MMP24: variants seen among roughly 807,000 people sequenced by gnomAD.
MMP24 encodes matrix metalloproteinase-24.
Under a neutral mutation model 62.8 loss-of-function variants are expected in MMP24, and 25 were observed. That is an observed-to-expected ratio of 0.40 (90% CI 0.29 to 0.56). MMP24 has a LOEUF of 0.56. MMP24 is among the 20% of genes least tolerant of loss of function. The pLI is 0.50. For missense variants in MMP24, 634 were observed against 853.6 expected (o/e 0.74, Z 3.21); for synonymous variants, 319 against 350.5 (o/e 0.91, Z 1.00).
chr20:35,227,533 C>G (rs1452161447), intron 1 of MMP24, among the ~76,000 whole-genome samples: 1 of 151,790 alleles, frequency 6.6e-6, no homozygotes, highest in Non-Finnish European at 1.5e-5. Flanking sequence ...CAAATTTGGG[C>G]TCGATATAGG....
At chr20:35,256,157 T>C (rs2060573407) in intron 4 of MMP24, 1 of 152,232 alleles carries the variant, frequency 6.6e-6, no homozygotes, top group Non-Finnish European at 1.5e-5. Context: ...TACATTATAA[T>C]GCATAATTAA....
chr20:35,255,705 G>T (rs529895749), intron 4 of MMP24, among the ~76,000 whole-genome samples: 1 of 152,300 alleles, frequency 6.6e-6, no homozygotes, highest in African/African-American at 2.4e-5. Flanking sequence ...AACTGGCATA[G>T]CTGAAAGGTG....
chr20:35,268,373 T>C (rs2146238755), intron 6 of MMP24, among the ~76,000 whole-genome samples: 1 of 152,234 alleles, frequency 6.6e-6, no homozygotes, highest in East Asian at 1.9e-4. Context: ...TCACACAGGA[T>C]GGTGAAAGAG....
chr20:35,250,498 GGTT>G (rs1453742009), intron 2 of MMP24, among the ~76,000 whole-genome samples: 2 of 151,930 alleles, frequency 1.3e-5, no homozygotes, highest in Non-Finnish European at 2.9e-5. Context: ...GGGAGGCAGA[GGTT>G]GCAGTGAGCT....
intron 6 of MMP24, among the ~76,000 whole-genome samples, chr20:35,268,643 C>T (rs544278464): frequency 9.2e-5 from 14 of 152,244 alleles, no homozygotes; most frequent in Non-Finnish European, 1.8e-4. Flanking sequence ...ACAAATCATG[C>T]TTCTTCTTCT....
At chr20:35,260,104 G>A (rs2146226326) in intron 4 of MMP24, among the ~76,000 whole-genome samples, 1 of 152,210 alleles carries the variant, frequency 6.6e-6, no homozygotes, top group African/African-American at 2.4e-5. Context: ...GAAGACCCTA[G>A]CAGCCTCCTG....
At chr20:35,241,674 A>C (rs570661948) in intron 1 of MMP24, among the ~76,000 whole-genome samples, 5 of 152,254 alleles carry the variant, frequency 3.3e-5, no homozygotes, top group African/African-American at 1.2e-4. Context: ...TATCCCAGAA[A>C]ACGAGCTGCG....
chr20:35,267,172 G>C, intron 5 of MMP24, 33 bp from the exon 6 acceptor site: 1 of 1,522,486 alleles, frequency 6.6e-7, no homozygotes, highest in Non-Finnish European at 8.9e-7. Context: ...GGAAACGGCT[G>C]CCCCCTCTCT....
At chr20:35,268,548 T>A (rs961147370) in intron 6 of MMP24, among the ~76,000 whole-genome samples, 2 of 152,224 alleles carry the variant, frequency 1.3e-5, no homozygotes, top group Non-Finnish European at 2.9e-5. Flanking sequence ...AACAGAGACA[T>A]GAAAGTCAAA....
In MMP24 at chr20:35,267,204, G is replaced by A; in HGVS notation, c.980-1G>A. On this transcript the variant is annotated splice_acceptor_variant, in intron 5 of 8. Coordinates refer to ENST00000246186, the MANE Select transcript of MMP24 (RefSeq NM_006690.4). LOFTEE classifies it high-confidence loss of function. ...CTCTAAGATGCAGCTCCTCTCTCCA[G>A]GACCCCCAGCCGAGCCTCTGGAGCC... 6.3e-7 allele frequency: 1 copy of A among 1,583,072 alleles called. No individual in the cohort carries two copies.
In MMP24 at chr20:35,271,753, G is replaced by A. The variant is rs773070007; in HGVS notation, c.1518G>A (p.Thr506=). The change falls in exon 8 of 9, where the codon ACG becomes ACA. Residue 506 remains threonine, a synonymous_variant. Coordinates refer to ENST00000246186, the MANE Select transcript of MMP24 (RefSeq NM_006690.4). This position sits in a 1 kb window ranked among gnomAD's most constrained non-coding sequence, Gnocchi z 4.0. ...YWRYSEERRA[T]DPGYPKPITV... Reference sequence around the variant, plus strand: ...GCTACAGCGAGGAGCGGCGGGCCACGGACCCTGGCTACCCTAAGCCCATCA... The same window carrying A: ...GCTACAGCGAGGAGCGGCGGGCCACAGACCCTGGCTACCCTAAGCCCATCA... The A allele has an allele frequency of 6.8e-5, 108 of 1,597,156 alleles. No individual in the cohort carries two copies. The highest frequency in any genetic ancestry group is 1.1e-4 in the African/African-American group (8 of 74,670).
At chr20:35,251,631 TC>T (rs2060547633) in intron 2 of MMP24, among the ~76,000 whole-genome samples, 1 of 152,138 alleles carries the variant, frequency 6.6e-6, no homozygotes, top group African/African-American at 2.4e-5. Flanking sequence ...TGCCTGGGGG[TC>T]CTATGACTAG....
At chr20:35,252,258 G>C (rs1481148450) in intron 3 of MMP24, among the ~76,000 whole-genome samples, 1 of 152,164 alleles carries the variant, frequency 6.6e-6, no homozygotes. Context: ...TCCTCTGGGG[G>C]CTCTTAGTTG....
rs2247828 is a variant in MMP24, at chr20:35,252,136, A to G, written c.512+115A>G. ...GGGGCCTGGGGATCAGGCTTACAACATAGGCCAAGAGCCAGGCATGTGGGC... is the reference window on the plus strand; with the variant it reads ...GGGGCCTGGGGATCAGGCTTACAACGTAGGCCAAGAGCCAGGCATGTGGGC... On this transcript the variant is annotated intron_variant, in intron 3 of 8. Coordinates refer to ENST00000246186, the MANE Select transcript of MMP24 (RefSeq NM_006690.4). The G allele has an allele frequency of 0.14, 116,338 of 819,554 alleles. 8,798 individuals are homozygous for G. Among genetic ancestry groups the G allele is most frequent in the African/African-American group, 0.21 (12,391 of 59,374 alleles). 50.8% of individuals were successfully genotyped at this position (819,554 alleles called of 1,614,324 possible). A position where few individuals can be genotyped will look rare whatever the true frequency, so the allele number is the denominator to read the frequency against.
intron 4 of MMP24, among the ~76,000 whole-genome samples, chr20:35,259,382 C>T (rs2060591459): frequency 6.6e-6 from 1 of 152,086 alleles, no homozygotes; most frequent in Non-Finnish European, 1.5e-5. Flanking sequence ...CCTGGTTCTT[C>T]AACACAAAGC....
At chr20:35,260,441 C>T (rs1166788631) in intron 4 of MMP24, among the ~76,000 whole-genome samples, 1 of 152,090 alleles carries the variant, frequency 6.6e-6, no homozygotes. Flanking sequence ...TGGTTCCCAG[C>T]TGAGCTCCCT....
chr20:35,266,873 T>G (rs759600969), intron 5 of MMP24, among the ~76,000 whole-genome samples: 1 of 150,490 alleles, frequency 6.6e-6, no homozygotes, highest in Admixed American at 6.6e-5. Context: ...AGAGAATAAA[T>G]GAAGGGGGTG....
intron 3 of MMP24, among the ~76,000 whole-genome samples, chr20:35,253,439 C>T (rs548998169): frequency 6.6e-6 from 1 of 151,866 alleles, no homozygotes; most frequent in East Asian, 1.9e-4. Flanking sequence ...TGAATAGACT[C>T]TTGGGTCTCT....
chr20:35,244,632 G>A (rs1254847780), intron 1 of MMP24, among the ~76,000 whole-genome samples: 3 of 152,104 alleles, frequency 2.0e-5, no homozygotes, highest in Admixed American at 2.0e-4. Flanking sequence ...TAGAGACGGG[G>A]TTTCACCATG....
Sources: allele counts gnomAD v4.1 joint callset (sites outside exome capture counted in the v4.1 genomes callset), GRCh38; gene constraint gnomAD v4.1.1; non-coding constraint Gnocchi (gnomAD v3.1); transcripts MANE v1.5; gene names NCBI Gene and HGNC (gene_info 2026-07-23, HGNC 2026-07-21).